TCF7L1: variants seen among roughly 807,000 people sequenced by gnomAD.
The protein encoded by TCF7L1 is transcription factor 7 like 1.
TCF7L1 carries 18 observed loss-of-function variants against 63.7 expected under a neutral mutation model. The ratio of observed to expected loss-of-function variants is 0.28; its 90% CI spans 0.20 to 0.42. The LOEUF (loss-of-function observed/expected upper bound fraction) is 0.42. Among genes scored for constraint, TCF7L1 ranks in the 10% least tolerant of loss-of-function variants. The pLI is 1.00. For missense variants in TCF7L1, 654 were observed against 779.3 expected (o/e 0.84, Z 1.91); for synonymous variants, 355 against 340.9 (o/e 1.04, Z -0.46).
intron 3 of TCF7L1, among the ~76,000 whole-genome samples, chr2:85,256,299 G>A (rs1410658027): frequency 6.6e-6 from 1 of 152,172 alleles, no homozygotes; most frequent in African/African-American, 2.4e-5. Context: ...AAGCGTCCGA[G>A]TCAGACCGCT....
At chr2:85,142,480 T>A (rs1333221250) in intron 3 of TCF7L1, among the ~76,000 whole-genome samples, 1 of 141,572 alleles carries the variant, frequency 7.1e-6, no homozygotes, top group Non-Finnish European at 1.5e-5. Flanking sequence ...TGTATATATA[T>A]AATATATATA....
chr2:85,285,918 G>A (rs1326405577), intron 4 of TCF7L1, among the ~76,000 whole-genome samples: 7 of 152,216 alleles, frequency 4.6e-5, no homozygotes, highest in Admixed American at 1.3e-4. Flanking sequence ...GAGGCCGGGC[G>A]TGGTGGCTCA....
chr2:85,212,130 G>T (rs912038414), intron 3 of TCF7L1, among the ~76,000 whole-genome samples: 2 of 144,208 alleles, frequency 1.4e-5, no homozygotes, highest in African/African-American at 5.1e-5. Flanking sequence ...CAGACTTCTA[G>T]CCTGTCTCAA....
chr2:85,306,659 T>C lies in TCF7L1; in HGVS notation c.1257+100T>C, dbSNP rs1288300279. 5 of 943,498 alleles carry C rather than the reference T, an allele frequency of 5.3e-6. No individual in the cohort carries two copies. The African/African-American group carries it at 8.3e-5, about 16-fold the overall frequency. The allele number at this position is 943,498 out of a possible 1,614,324, so 58.4% of individuals were successfully genotyped here. A position where few individuals can be genotyped will look rare whatever the true frequency, so the allele number is the denominator to read the frequency against. On this transcript the variant is annotated intron_variant, in intron 10 of 11. Coordinates refer to ENST00000282111, the MANE Select transcript of TCF7L1 (RefSeq NM_031283.3). The surrounding 1 kb of genome is among the most constrained non-coding windows in gnomAD (Gnocchi z 4.3). Reference sequence around the variant, plus strand: ...AGCAACTGCATTTATTTTTATTTATTTTATTTTCTTTTATTTTTTGAGACA... The same window carrying C: ...AGCAACTGCATTTATTTTTATTTATCTTATTTTCTTTTATTTTTTGAGACA...
intron 4 of TCF7L1, among the ~76,000 whole-genome samples, chr2:85,298,573 A>G (rs2104384033): frequency 6.6e-6 from 1 of 152,006 alleles, no homozygotes; most frequent in East Asian, 1.9e-4. Context: ...TACCAACTCT[A>G]GAAACAGACT....
chr2:85,203,086 T>C (rs763628823), intron 3 of TCF7L1, among the ~76,000 whole-genome samples: 4 of 152,128 alleles, frequency 2.6e-5, no homozygotes, highest in Admixed American at 2.6e-4. Context: ...CCGCCCGCCT[T>C]GGCCTCTCAA....
At chr2:85,300,168 T>G (rs561935667) in intron 4 of TCF7L1, among the ~76,000 whole-genome samples, 1 of 152,256 alleles carries the variant, frequency 6.6e-6, no homozygotes, top group African/African-American at 2.4e-5. Context: ...TTGTTTACAT[T>G]TTTGGTGTGC....
chr2:85,283,437 T>G, intron 3 of TCF7L1, 58 bp from the exon 4 acceptor site: 3 of 1,599,686 alleles, frequency 1.9e-6, no homozygotes, highest in Non-Finnish European at 2.6e-6. Context: ...CAGCAAACTT[T>G]GAGTACTTGT....
At chr2:85,144,442 C>A (rs1320563293) in intron 3 of TCF7L1, among the ~76,000 whole-genome samples, 85 of 145,650 alleles carry the variant, frequency 5.8e-4, no homozygotes, top group African/African-American at 1.3e-3. Context: ...AAACAAAAAC[C>A]AAAAAAAACA....
intron 3 of TCF7L1, among the ~76,000 whole-genome samples, chr2:85,143,091 G>A (rs1677783512): frequency 6.6e-6 from 1 of 152,190 alleles, no homozygotes; most frequent in Non-Finnish European, 1.5e-5. Flanking sequence ...AAAGGCAATA[G>A]CTCTAATTAT....
chr2:85,148,396 G>A (rs1209545637), intron 3 of TCF7L1, among the ~76,000 whole-genome samples: 3 of 152,156 alleles, frequency 2.0e-5, no homozygotes, highest in Non-Finnish European at 4.4e-5. Flanking sequence ...TGTGTCTAGG[G>A]GGGTCTGGAA....
At chr2:85,144,611 A>T (rs112650671) in intron 3 of TCF7L1, among the ~76,000 whole-genome samples, 1,574 of 151,558 alleles carry the variant, frequency 0.01, 24 homozygotes, top group African/African-American at 0.032. Flanking sequence ...CAAAAAAAAA[A>T]TTTTTTTTGA....
intron 3 of TCF7L1, among the ~76,000 whole-genome samples, chr2:85,255,763 A>G (rs1367268266): frequency 6.6e-6 from 1 of 152,050 alleles, no homozygotes; most frequent in East Asian, 1.9e-4. Flanking sequence ...TTAGGGGAGT[A>G]TCCTCTCTGG....
chr2:85,134,931 C>T lies in TCF7L1; in HGVS notation c.441+481C>T, dbSNP rs1242754819. Among the ~76,000 whole-genome samples, 2 of 152,182 alleles carry T rather than the reference C, an allele frequency of 1.3e-5. No homozygotes were observed. Among genetic ancestry groups the T allele is most frequent in the African/African-American group, 2.4e-5 (1 of 41,460 alleles). ...GCGGGTTATTCACAGCCCCCGTTCC[C>T]ACCCCCAGCCCTCGCACCGGGGCCT... On this transcript the variant is annotated intron_variant, in intron 3 of 11. Transcript: ENST00000282111. The surrounding 1 kb of genome is among the most constrained non-coding windows in gnomAD (Gnocchi z 5.0).
chr2:85,172,745 C>T (rs1678578192), intron 3 of TCF7L1, among the ~76,000 whole-genome samples: 1 of 152,136 alleles, frequency 6.6e-6, no homozygotes. Context: ...ATTCTTTATC[C>T]TTTCACAACT....
chr2:85,305,956 C>T (rs919652634), intron 8 of TCF7L1, among the ~76,000 whole-genome samples: 5 of 152,154 alleles, frequency 3.3e-5, no homozygotes, highest in African/African-American at 1.2e-4. Flanking sequence ...GCAACCCCAC[C>T]ATGCTCTGTT....
chr2:85,173,336 G>A (rs560840890), intron 3 of TCF7L1, among the ~76,000 whole-genome samples: 2 of 152,012 alleles, frequency 1.3e-5, no homozygotes, highest in East Asian at 3.9e-4. Flanking sequence ...GGGGGTGGGG[G>A]GCTCCAAACA....
intron 3 of TCF7L1, among the ~76,000 whole-genome samples, chr2:85,251,914 C>T (rs937632427): frequency 2.0e-5 from 3 of 152,188 alleles, no homozygotes; most frequent in African/African-American, 7.2e-5. Context: ...TCACTACAAA[C>T]GATACAAAAA....
chr2:85,232,961 G>C (rs1275859490), intron 3 of TCF7L1: 1 of 152,050 alleles, frequency 6.6e-6, no homozygotes, highest in Non-Finnish European at 1.5e-5. Context: ...TTGAGACAGG[G>C]TCTCCCTCTG....
Sources: allele counts gnomAD v4.1 joint callset (sites outside exome capture counted in the v4.1 genomes callset), GRCh38; gene constraint gnomAD v4.1.1; non-coding constraint Gnocchi (gnomAD v3.1); transcripts MANE v1.5; gene names NCBI Gene and HGNC (gene_info 2026-07-23, HGNC 2026-07-21).